The following UNC5B variants were observed in gnomAD, a reference collection of about 807,000 sequenced individuals.
The protein encoded by UNC5B is netrin receptor UNC5B.
In UNC5B, 56 loss-of-function variants were observed where a neutral mutation model predicts 103.7. The observed-to-expected ratio is 0.54, with a 90% CI of 0.44 to 0.67. The LOEUF is 0.67. Ranked by LOEUF, UNC5B falls within the 30% of genes least tolerant of loss-of-function variation. UNC5B has a pLI of 0.00. For synonymous variants in UNC5B, 577 were observed against 542.0 expected, an observed-to-expected ratio of 1.06 and a Z score of -0.90; for missense variants, 1,194 against 1,284.5, an observed-to-expected ratio of 0.93 and a Z score of 1.08.
intron 1 of UNC5B, among the ~76,000 whole-genome samples, chr10:71,248,553 T>C (rs1413959271): frequency 6.6e-6 from 1 of 152,230 alleles, no homozygotes; most frequent in East Asian, 1.9e-4. Context: ...AATTATCCTT[T>C]AATTTACATT....
At chr10:71,255,143 A>G (rs1218584080) in intron 1 of UNC5B, among the ~76,000 whole-genome samples, 1 of 152,168 alleles carries the variant, frequency 6.6e-6, no homozygotes, top group East Asian at 1.9e-4. Flanking sequence ...AATACCCGAG[A>G]AGAACCCACA....
At chr10:71,214,969 G>T (rs956379650) in intron 1 of UNC5B, among the ~76,000 whole-genome samples, 1 of 152,174 alleles carries the variant, frequency 6.6e-6, no homozygotes, top group Admixed American at 6.5e-5. Flanking sequence ...ACTTAGTGCG[G>T]CAGTAGCTGC....
chr10:71,260,875 G>A (rs1376549391), intron 1 of UNC5B, among the ~76,000 whole-genome samples: 3 of 152,358 alleles, frequency 2.0e-5, no homozygotes, highest in African/African-American at 7.2e-5. Flanking sequence ...AGGAAGGGGC[G>A]GGCAGGCAGC....
At chr10:71,226,001 C>G (rs989073357) in intron 1 of UNC5B, among the ~76,000 whole-genome samples, 11 of 152,184 alleles carry the variant, frequency 7.2e-5, no homozygotes, top group African/African-American at 2.7e-4. Flanking sequence ...CTCCTCCCCA[C>G]CCCCTAGTTC....
Position 71,293,906 on chromosome 10 carries a change from C to T in UNC5B, c.2148C>T (p.Cys716=). The T allele has an allele frequency of 6.2e-7, 1 of 1,603,872 alleles. No individual in the cohort carries two copies. The highest frequency in any genetic ancestry group is 8.5e-7 in the Non-Finnish European group (1 of 1,179,464). ...TSLEYSLRVY[C]LEDTPVALKE... is the part of the protein sequence containing the mutation. ...TGGAGTACAGCCTCCGGGTCTACTG[C>T]CTGGAGGACACGCCTGTAGCACTGA... is the stretch of plus-strand genomic sequence containing the variant. Residue 716 remains cysteine, a synonymous_variant, in exon 13 of 17, where the codon TGC becomes TGT. Transcript: ENST00000335350.
At chr10:71,289,856 G>T (rs1029404201) in intron 8 of UNC5B, among the ~76,000 whole-genome samples, 1 of 152,240 alleles carries the variant, frequency 6.6e-6, no homozygotes, top group South Asian at 2.1e-4. Flanking sequence ...GACATCCGGG[G>T]CTGGGAGCCA....
chr10:71,284,760 G>A lies in UNC5B; in HGVS notation c.345G>A (p.Gln115=), dbSNP rs1233417938. The A allele has an allele frequency of 6.3e-7, 1 of 1,578,476 alleles. No homozygotes were observed. The highest frequency in any genetic ancestry group is 8.6e-7 in the Non-Finnish European group (1 of 1,163,842). ...VREVQIEVSR[Q]QVEELFGLED... Reference sequence around the variant, plus strand: ...AGGTGCAGATCGAGGTGTCGCGGCAGCAGGTGGAGGAGCTCTTTGGGCTGG... The same window carrying A: ...AGGTGCAGATCGAGGTGTCGCGGCAACAGGTGGAGGAGCTCTTTGGGCTGG... Residue 115 remains glutamine (Q), a synonymous_variant, in exon 3 of 17, where the codon CAG becomes CAA. Transcript: ENST00000335350.
chr10:71,260,409 G>A (rs906209996), intron 1 of UNC5B, among the ~76,000 whole-genome samples: 9 of 152,314 alleles, frequency 5.9e-5, no homozygotes, highest in African/African-American at 2.2e-4. Flanking sequence ...CCATAGTCCC[G>A]CTGGCTAGCT....
intron 1 of UNC5B, among the ~76,000 whole-genome samples, chr10:71,234,092 T>C (rs1189427346): frequency 6.6e-6 from 1 of 152,188 alleles, no homozygotes; most frequent in African/African-American, 2.4e-5. Flanking sequence ...AGTGTGAAGT[T>C]ACAAAATGTT....
chr10:71,216,285 C>A lies in UNC5B; in HGVS notation c.79+3221C>A, dbSNP rs568270233. Reference sequence around the variant, plus strand: ...TCTGAAATTGAGGCACCACTTAAGGCAGGCAGCTAAAGATAAGATCGCTTT... The same window carrying A: ...TCTGAAATTGAGGCACCACTTAAGGAAGGCAGCTAAAGATAAGATCGCTTT... On this transcript the variant is annotated intron_variant, in intron 1 of 16. Transcript: ENST00000335350. Among the ~76,000 whole-genome samples the A allele has an allele frequency of 2.0e-5, 3 of 152,318 alleles. No homozygotes were observed. The South Asian group carries it at 6.2e-4, about 32-fold the overall frequency.
chr10:71,256,659 G>A (rs181647964), intron 1 of UNC5B, among the ~76,000 whole-genome samples: 28 of 152,310 alleles, frequency 1.8e-4, no homozygotes, highest in African/African-American at 6.7e-4. Context: ...CTTCTCCAGG[G>A]CCCCCAGAAG....
In UNC5B at chr10:71,300,592, G is replaced by A. The variant is rs911940502; in HGVS notation, c.*1315G>A. On this transcript the variant is annotated 3_prime_UTR_variant, in exon 17 of 17. Transcript: ENST00000335350. The stretch of plus-strand genomic sequence containing the variant: ...CCCCTCCTCAGCCCAGCAGCCTCTA[G>A]AGCAGCGTGGTGCTCTCTTGATGGC... 10 of 152,434 alleles carry A rather than the reference G, an allele frequency of 6.6e-5. No individual in the cohort carries two copies. Among genetic ancestry groups the A allele is most frequent in the African/African-American group, 1.7e-4 (7 of 41,450 alleles). The allele number at this position is 152,434 out of a possible 1,614,324, so 9.4% of individuals were successfully genotyped here. A position where few individuals can be genotyped will look rare whatever the true frequency, so the allele number is the denominator to read the frequency against.
intron 1 of UNC5B, among the ~76,000 whole-genome samples, chr10:71,269,035 G>C (rs954821273): frequency 2.6e-5 from 4 of 152,194 alleles, no homozygotes; most frequent in Admixed American, 1.3e-4. Context: ...GGCTGGTGGG[G>C]GGAGACAGAG....
In UNC5B at chr10:71,296,756, G is replaced by A; in HGVS notation, c.2490+14G>A. 1.9e-6 allele frequency: 3 copies of A among 1,603,710 alleles called. No individual in the cohort carries two copies. Among genetic ancestry groups the A allele is most frequent in the Non-Finnish European group, 1.7e-6 (2 of 1,177,446 alleles). On this transcript the variant is annotated intron_variant, in intron 15 of 16. Coordinates refer to ENST00000335350, the MANE Select transcript of UNC5B (RefSeq NM_170744.5). ...ACTCTGGCAGAGGTGAGGGAAGTCG[G>A]GGCCACATATTCCAGCTGCACACCA...
rs1845254405 is a variant in UNC5B at position 71,291,478 on chromosome 10, C to T, written c.1341C>T (p.Ala447=). Residue 447 remains alanine (A), a synonymous_variant, in exon 10 of 17, where the codon GCC becomes GCT. Coordinates refer to ENST00000335350, the MANE Select transcript of UNC5B (RefSeq NM_170744.5). ...LHPSVPPDLT[A]SAGIYRGPVY... is the part of the protein sequence containing the mutation. ...CCTCTGTGCCTCCTGACCTGACAGC[C>T]AGCGCCGGCATCTACCGCGGACCCG... The T allele has an allele frequency of 6.2e-7, 1 of 1,613,910 alleles. No individual in the cohort carries two copies. Among genetic ancestry groups the T allele is most frequent in the Non-Finnish European group, 8.5e-7 (1 of 1,179,882 alleles).
Position 71,213,073 on chromosome 10 carries a change from C to A in UNC5B, c.79+9C>A. ...GAGGCTGAGCCAAGCAGGTAGGAAG[C>A]GATCGGGTCTGGGGGCGCGGGGCTA... On this transcript the variant is annotated intron_variant, in intron 1 of 16. Transcript: ENST00000335350. This position sits in a 1 kb window ranked among gnomAD's most constrained non-coding sequence, Gnocchi z 4.1. The A allele has an allele frequency of 7.3e-7, 1 of 1,366,000 alleles. No homozygotes were observed. Among genetic ancestry groups the A allele is most frequent in the Non-Finnish European group, 9.5e-7 (1 of 1,052,174 alleles). The allele number at this position is 1,366,000 out of a possible 1,614,324, so 84.6% of individuals were successfully genotyped here.
In UNC5B at chr10:71,236,459, C is replaced by T. The variant is rs74145374; in HGVS notation, c.79+23395C>T. On this transcript the variant is annotated intron_variant, in intron 1 of 16. Transcript: ENST00000335350. ...AGGGCTGAGGATCGGGTGGTGTGGGCCGGATTCCTGAGCCCCCCTTCAGAG... is the reference window on the plus strand; with the variant it reads ...AGGGCTGAGGATCGGGTGGTGTGGGTCGGATTCCTGAGCCCCCCTTCAGAG... Among the ~76,000 whole-genome samples, 438 of 152,274 alleles carry T rather than the reference C, an allele frequency of 2.9e-3. 1 individual carries two copies. The highest frequency in any genetic ancestry group is 0.01 in the African/African-American group (426 of 41,550).
chr10:71,216,368 A>G (rs2247491), intron 1 of UNC5B, among the ~76,000 whole-genome samples: 58,075 of 151,946 alleles, frequency 0.38, 11,561 homozygotes, highest in East Asian at 0.62. Context: ...TGAGAGTTGG[A>G]AGGGTGAAGA....
rs1359911797 is a variant in UNC5B, at chr10:71,227,599, CATACATATATACATATAT to C, written c.79+14559_79+14576del. Among the ~76,000 whole-genome samples, 23 of 142,332 alleles carry C rather than the reference CATACATATATACATATAT, an allele frequency of 1.6e-4. No homozygotes were observed. The East Asian group carries it at 1.8e-3, about 11-fold the overall frequency. The allele number at this position is 142,332 out of a possible 152,430, so 93.4% of individuals were successfully genotyped here. On this transcript the variant is annotated intron_variant, in intron 1 of 16. Transcript: ENST00000335350. ...TAAAAATAAAAATAAATTTTGTATA[CATACATATATACATATAT>C]ATACATATATACATATATATACACA...
Sources: gnomAD v4.1 joint callset for allele counts (sites outside exome capture counted in the v4.1 genomes callset) on GRCh38, gnomAD v4.1.1 for gene constraint, Gnocchi (gnomAD v3.1) non-coding constraint, MANE v1.5 for transcripts, NCBI Gene and HGNC (gene_info 2026-07-23, HGNC 2026-07-21) for gene names.